The following UTS2B variants were observed in gnomAD, a reference collection of about 807,000 sequenced individuals.
UTS2B encodes urotensin-2B.
Under a neutral mutation model 19.2 loss-of-function variants are expected in UTS2B, and 21 were observed. That is an observed-to-expected ratio of 1.09 (90% CI 0.78 to 1.58). The LOEUF (loss-of-function observed/expected upper bound fraction) is 1.58, where lower values mean the gene tolerates loss of function less well. UTS2B is among the 40% of genes most tolerant of loss of function. UTS2B has a pLI of 0.00. For synonymous variants in UTS2B, 57 were observed against 50.2 expected (o/e 1.14, Z -0.58); for missense variants, 138 against 130.3 (o/e 1.06, Z -0.29).
chr3:191,321,473 A>C (rs1717609147), intron 2 of UTS2B, among the ~76,000 whole-genome samples: 1 of 152,234 alleles, frequency 6.6e-6, no homozygotes, highest in South Asian at 2.1e-4. Context: ...GAAATATTTT[A>C]ACACTCTTAT....
intron 5 of UTS2B, among the ~76,000 whole-genome samples, chr3:191,281,030 G>A (rs1716370595): frequency 6.6e-6 from 1 of 152,110 alleles, no homozygotes; most frequent in Non-Finnish European, 1.5e-5. Flanking sequence ...AAGGGATTAT[G>A]CAATTTTATT....
At position 191,282,120 on chromosome 3, in the gene UTS2B, G is replaced by T. The variant is rs1716405336; in HGVS notation, c.70C>A (p.Gln24Lys). 3.1e-6 allele frequency: 5 copies of T among 1,613,404 alleles called. No homozygotes were observed. The highest frequency in any genetic ancestry group is 4.2e-6 in the Non-Finnish European group (5 of 1,179,624). The change falls in exon 5 of 9, where the codon CAA becomes AAA. Residue 24 changes from glutamine to lysine, a missense_variant. Physicochemically the swap from Gln to Lys is moderately conservative, Grantham distance 53 (BLOSUM62 1). Transcript: ENST00000340524. Reference protein sequence around the residue: ...LTLLSVLSFLQSVHGRPYLTQ... With the variant: ...LTLLSVLSFLKSVHGRPYLTQ... Reference sequence around the variant, plus strand: ...AGATATGGTCGTCCATGCACAGATTGTAAAAAACTCAACACGGATAACAAA... The same window carrying T: ...AGATATGGTCGTCCATGCACAGATTTTAAAAAACTCAACACGGATAACAAA...
intron 4 of UTS2B, among the ~76,000 whole-genome samples, chr3:191,294,084 G>C (rs1025102205): frequency 6.6e-6 from 1 of 151,466 alleles, no homozygotes; most frequent in Non-Finnish European, 1.5e-5. Context: ...CTCCAGCCTG[G>C]GCAACAGGAA....
chr3:191,273,660 A>T lies in UTS2B; in HGVS notation c.334+1592T>A, dbSNP rs1716152808. The T allele has an allele frequency of 6.6e-6, 3 of 451,438 alleles. No individual in the cohort carries two copies. The Admixed American group carries it at 7.1e-5, about 11-fold the overall frequency. The allele number at this position is 451,438 out of a possible 1,614,324, so 28.0% of individuals were successfully genotyped here. On this transcript the variant is annotated intron_variant, in intron 8 of 8. Transcript: ENST00000340524. ...CTCTGAGATTTAGATTACAACTGTTAACACCTAATAGCCTAAGCTATACTG... is the reference window on the plus strand; with the variant it reads ...CTCTGAGATTTAGATTACAACTGTTTACACCTAATAGCCTAAGCTATACTG...
At chr3:191,330,821 A>C (rs3796222), upstream of UTS2B, among the ~76,000 whole-genome samples, 12,550 of 152,236 alleles carry the variant, frequency 0.082, 582 homozygotes, top group East Asian at 0.21. Context: ...TTGCTTTCTC[A>C]GAGTTTCAAG....
At chr3:191,280,336 C>A (rs1217606763) in intron 5 of UTS2B, among the ~76,000 whole-genome samples, 1 of 152,118 alleles carries the variant, frequency 6.6e-6, no homozygotes, top group Non-Finnish European at 1.5e-5. Context: ...ATGGTCCCTA[C>A]CAGATGTAAG....
intron 4 of UTS2B, among the ~76,000 whole-genome samples, chr3:191,295,937 C>T (rs907015405): frequency 6.6e-6 from 1 of 152,162 alleles, no homozygotes; most frequent in Non-Finnish European, 1.5e-5. Flanking sequence ...AATAAGAAGT[C>T]TCATGTTCAC....
chr3:191,323,459 G>A (rs977839622), intron 2 of UTS2B, among the ~76,000 whole-genome samples: 1 of 152,168 alleles, frequency 6.6e-6, no homozygotes, highest in East Asian at 1.9e-4. Flanking sequence ...ATGAGCTATC[G>A]CGCCTGACCT....
At chr3:191,294,269 C>T (rs561401465) in intron 4 of UTS2B, among the ~76,000 whole-genome samples, 1 of 151,870 alleles carries the variant, frequency 6.6e-6, no homozygotes, top group South Asian at 2.1e-4. Flanking sequence ...AAGGGGAAAC[C>T]ACTGAGCAAG....
intron 3 of UTS2B, among the ~76,000 whole-genome samples, chr3:191,307,837 CTTTTT>C (rs34254108): frequency 7.2e-6 from 1 of 138,434 alleles, no homozygotes. Context: ...GTTTTCTTCT[CTTTTT>C]TTTTTTTTTT....
chr3:191,298,349 G>T (rs1175137234), intron 4 of UTS2B, among the ~76,000 whole-genome samples: 2 of 152,138 alleles, frequency 1.3e-5, no homozygotes, highest in South Asian at 2.1e-4. Context: ...GGAGGTGTTT[G>T]GATCATGGGG....
chr3:191,281,603 C>T (rs1307303417), intron 5 of UTS2B, among the ~76,000 whole-genome samples: 2 of 151,112 alleles, frequency 1.3e-5, no homozygotes, highest in Non-Finnish European at 3.0e-5. Flanking sequence ...TCCCCCAATG[C>T]TTTACTTTCC....
chr3:191,309,453 G>A (rs1480451838), intron 3 of UTS2B, among the ~76,000 whole-genome samples: 2 of 152,118 alleles, frequency 1.3e-5, no homozygotes, highest in Non-Finnish European at 2.9e-5. Context: ...GATTACAGGC[G>A]TGAGCCACCT....
chr3:191,340,286 T>C, the UTS2B span, among the ~76,000 whole-genome samples: 1 of 152,238 alleles, frequency 6.6e-6, no homozygotes, highest in Non-Finnish European at 1.5e-5. Context: ...CTTTATACTA[T>C]AATTTGCTTG....
chr3:191,269,249 C>T lies in UTS2B; in HGVS notation c.335-808G>A, dbSNP rs80348440. ...GAAAAAGAGTTGAAAAACATATAAT[C>T]CCTCATTGAAATGAATGATAAATTT... On this transcript the variant is annotated intron_variant, in intron 8 of 8. Coordinates refer to ENST00000340524, the MANE Select transcript of UTS2B (RefSeq NM_198152.5). Among the ~76,000 whole-genome samples the T allele has an allele frequency of 4.7e-3, 721 of 152,252 alleles. 17 individuals carry two copies. The highest frequency in any genetic ancestry group is 0.033 in the Admixed American group (509 of 15,288).
At chr3:191,312,492 C>A (rs1717330509) in intron 3 of UTS2B, among the ~76,000 whole-genome samples, 1 of 152,144 alleles carries the variant, frequency 6.6e-6, no homozygotes, top group African/African-American at 2.4e-5. Flanking sequence ...TTATTCCTGG[C>A]CTCAGGGACC....
rs499212 is a variant in UTS2B, at chr3:191,304,504, C to G, written c.-137G>C. 151,577 of 152,306 alleles carry G rather than the reference C, an allele frequency of 1. 75,426 individuals carry two copies. Among genetic ancestry groups the G allele is most frequent in the East Asian group, 1 (5,179 of 5,180 alleles). 9.4% of individuals were successfully genotyped at this position (152,306 alleles called of 1,614,324 possible). A position where few individuals can be genotyped will look rare whatever the true frequency, so the allele number is the denominator to read the frequency against. On this transcript the variant is annotated 5_prime_UTR_variant, in exon 4 of 9. Transcript: ENST00000340524. Reference sequence around the variant, plus strand: ...TTCTCCTACTCACCATTCTCTCGTGCTATTTCCTCCCAAATAAACTCCTTT... The same window carrying G: ...TTCTCCTACTCACCATTCTCTCGTGGTATTTCCTCCCAAATAAACTCCTTT...
intron 4 of UTS2B, among the ~76,000 whole-genome samples, chr3:191,299,427 G>A (rs1340447346): frequency 6.6e-6 from 1 of 152,232 alleles, no homozygotes; most frequent in Non-Finnish European, 1.5e-5. Flanking sequence ...TTCAGCTCCA[G>A]CCACGTCTAA....
intron 5 of UTS2B, among the ~76,000 whole-genome samples, chr3:191,280,513 C>T (rs143068387): frequency 6.6e-4 from 101 of 152,242 alleles, no homozygotes; most frequent in Admixed American, 1.9e-3. Flanking sequence ...TGGAGAAGAA[C>T]TCCCTCTAAT....
Sources: gnomAD v4.1 joint callset for allele counts (sites outside exome capture counted in the v4.1 genomes callset) on GRCh38, gnomAD v4.1.1 for gene constraint, MANE v1.5 for transcripts, NCBI Gene and HGNC (gene_info 2026-07-23, HGNC 2026-07-21) for gene names.